RGS11: variants seen among roughly 807,000 people sequenced by gnomAD.
RGS11 encodes regulator of G protein signaling 11.
Under a neutral mutation model 71.1 loss-of-function variants are expected in RGS11, and 86 were observed. The observed-to-expected ratio is 1.21, with a 90% CI of 1.02 to 1.45. The LOEUF is 1.45. RGS11 is among the 40% of genes most tolerant of loss of function. The pLI is 0.00. For synonymous variants in RGS11, 298 were observed against 254.2 expected (o/e 1.17, Z -1.64); for missense variants, 734 against 635.1 (o/e 1.16, Z -1.67).
Position 273,801 on chromosome 16 carries a change from G to A in RGS11, c.465C>T (p.His155=), listed in dbSNP as rs753238577. The change falls in exon 7 of 17, where the codon CAC becomes CAT. Residue 155 remains histidine (H), a synonymous_variant. Coordinates refer to ENST00000397770, the MANE Select transcript of RGS11 (RefSeq NM_183337.3). ...CYDRLHKKIN[H]AWDLVLMQAR... ...CCTGCATCAGCACCAGGTCCCATGC[G>A]TGGTTGATCTTCTTGTGTAGCCGGT... is the stretch of plus-strand genomic sequence containing the variant. The A allele has an allele frequency of 3.1e-5, 50 of 1,613,268 alleles. No homozygotes were observed. In the East Asian group the frequency reaches 4.9e-4, roughly 16 times the overall value.
chr16:271,744 G>A (rs193239476), intron 9 of RGS11, 175 bp from the exon 10 acceptor site: 8 of 640,072 alleles, frequency 1.2e-5, no homozygotes, highest in African/African-American at 3.6e-5. Flanking sequence ...GGGATCTTTC[G>A]AGGAGACCTC....
intron 7 of RGS11, 52 bp from the exon 8 acceptor site, chr16:273,608 C>T (rs557168512): frequency 2.6e-5 from 39 of 1,511,662 alleles, no homozygotes; most frequent in South Asian, 7.2e-5. Context: ...GCAGCCCCTC[C>T]GCCCCCACCC....
chr16:269,800 A>G lies in RGS11; in HGVS notation c.1207-215T>C, dbSNP rs1596883737. ...TGCCTGGGCCATGTCGCAGCAAAAA[A>G]TGGCAAGAGCCCTGGTGGCCACGTG... On this transcript the variant is annotated intron_variant, in intron 15 of 16. Coordinates refer to ENST00000397770, the MANE Select transcript of RGS11 (RefSeq NM_183337.3). 12 of 541,924 alleles carry G rather than the reference A, an allele frequency of 2.2e-5. No homozygotes were observed. In the East Asian group the frequency reaches 3.7e-4, roughly 17 times the overall value. 33.6% of individuals were successfully genotyped at this position (541,924 alleles called of 1,614,324 possible). A position where few individuals can be genotyped will look rare whatever the true frequency, so the allele number is the denominator to read the frequency against.
Position 269,178 on chromosome 16 carries a change from C to T in RGS11, c.*91G>A, listed in dbSNP as rs1018244785. The T allele has an allele frequency of 1.1e-5, 11 of 1,046,176 alleles. No individual in the cohort carries two copies. The Admixed American group carries it at 2.0e-4, about 19-fold the overall frequency. The allele number at this position is 1,046,176 out of a possible 1,614,324, so 64.8% of individuals were successfully genotyped here. A position where few individuals can be genotyped will look rare whatever the true frequency, so the allele number is the denominator to read the frequency against. ...GGGACACTGGTGCTGGGTTCAGCAGCCCCCAGGACCTGGGCCAAGACGGGG... is the reference window on the plus strand; with the variant it reads ...GGGACACTGGTGCTGGGTTCAGCAGTCCCCAGGACCTGGGCCAAGACGGGG... On this transcript the variant is annotated 3_prime_UTR_variant, in exon 17 of 17. Coordinates refer to ENST00000397770, the MANE Select transcript of RGS11 (RefSeq NM_183337.3).
At chr16:274,920 C>G in intron 4 of RGS11, 56 bp downstream of exon 4, 1 of 836,904 alleles carries the variant, frequency 1.2e-6, no homozygotes, top group Non-Finnish European at 1.8e-6. Context: ...AGTTGGTAAG[C>G]TGGGTGGGTG....
intron 15 of RGS11, 30 bp downstream of exon 15, chr16:270,493 C>T (rs1234715438): frequency 1.3e-6 from 2 of 1,580,424 alleles, no homozygotes; most frequent in Admixed American, 1.8e-5. Context: ...GATGACCCCT[C>T]CTGCCCCTGC....
chr16:271,175 C>A (rs776434921), intron 12 of RGS11, 27 bp downstream of exon 12: 99 of 1,608,260 alleles, frequency 6.2e-5, no homozygotes, highest in Non-Finnish European at 8.3e-5. Context: ...AGCACACCCG[C>A]AGTCCCGCTG....
intron 1 of RGS11, 133 bp downstream of exon 1, chr16:275,716 C>T (rs2052150153): frequency 2.4e-6 from 1 of 419,374 alleles, no homozygotes; most frequent in South Asian, 7.7e-5. Context: ...CCTCGCCGCC[C>T]CTCCCGGCCT....
Position 274,281 on chromosome 16 carries a change from G to T in RGS11, c.319-16C>A, listed in dbSNP as rs1218301345. On this transcript the variant is annotated splice_polypyrimidine_tract_variant and intron_variant, in intron 4 of 16. Coordinates refer to ENST00000397770, the MANE Select transcript of RGS11 (RefSeq NM_183337.3). ...AGTACGGGGTCTGGCGTGGTGCAGGGAGAAGGTGTCCAGGACGCCTGCGTC... is the reference window on the plus strand; with the variant it reads ...AGTACGGGGTCTGGCGTGGTGCAGGTAGAAGGTGTCCAGGACGCCTGCGTC... 1 of 1,606,556 alleles carries T rather than the reference G, an allele frequency of 6.2e-7. No homozygotes were observed.
intron 1 of RGS11, 69 bp downstream of exon 1, chr16:275,780 C>G (rs1238579469): frequency 2.1e-6 from 1 of 482,798 alleles, no homozygotes; most frequent in Non-Finnish European, 3.0e-6. Context: ...TGTCCCCATG[C>G]TCTCCGGCCC....
Position 269,338 on chromosome 16 carries a change from A to G in RGS11, c.1335T>C (p.Pro445=), listed in dbSNP as rs778077060. ...GCTCCACAGGGGTGGGAAGGAGTGC[A>G]GGGCTGGGGCTCGAGTGCCGTGGCC... is the stretch of plus-strand genomic sequence containing the variant. ...TWRPRHSSPS[P]ALLPTPVEPT... Residue 445 remains proline, a synonymous_variant, in exon 17 of 17, where the codon CCT becomes CCC. Coordinates refer to ENST00000397770, the MANE Select transcript of RGS11 (RefSeq NM_183337.3). 6 of 1,603,132 alleles carry G rather than the reference A, an allele frequency of 3.7e-6. No homozygotes were observed. The African/African-American group carries it at 5.3e-5, about 14-fold the overall frequency.
Position 271,417 on chromosome 16 carries a change from G to C in RGS11, c.731C>G (p.Ser244Cys), listed in dbSNP as rs1480748922. The C allele has an allele frequency of 2.5e-6, 4 of 1,613,620 alleles. No homozygotes were observed. Among genetic ancestry groups the C allele is most frequent in the Non-Finnish European group, 3.4e-6 (4 of 1,180,022 alleles). Reference sequence around the variant, plus strand: ...CACTCACGCCTCAAGGCAGACGGAGGACTTCACTCGGGTCCTGCCCAGCGC... The same window carrying C: ...CACTCACGCCTCAAGGCAGACGGAGCACTTCACTCGGGTCCTGCCCAGCGC... The part of the protein sequence containing the change: ...RKALGRTRVK[S>C]SVCLEAYLSF... Residue 244 changes from serine to cysteine, a missense_variant, in exon 11 of 17, where the codon TCC (serine) becomes TGC (cysteine). Ser to Cys is a moderately radical substitution (Grantham distance 112). Transcript: ENST00000397770.
rs760521222 is a variant in RGS11 at position 275,044 on chromosome 16, A to T, written c.250T>A (p.Tyr84Asn). 2.7e-6 allele frequency: 4 copies of T among 1,496,822 alleles called. No individual in the cohort carries two copies. Among genetic ancestry groups the T allele is most frequent in the East Asian group, 2.4e-5 (1 of 41,228 alleles). The allele number at this position is 1,496,822 out of a possible 1,614,324, so 92.7% of individuals were successfully genotyped here. The change falls in exon 4 of 17, where the codon TAC (tyrosine) becomes AAC (asparagine). Residue 84 changes from tyrosine (Y) to asparagine (N), a missense_variant. Tyr to Asn is a moderately radical substitution (Grantham distance 143, BLOSUM62 -2). Transcript: ENST00000397770. Reference sequence around the variant, plus strand: ...CGGGGGTCGCGCAGCGGGTAGATGTAGCCATGCTGCACCAGGACGGCGCCC... The same window carrying T: ...CGGGGGTCGCGCAGCGGGTAGATGTTGCCATGCTGCACCAGGACGGCGCCC... ...HLGAVLVQHG[Y>N]IYPLRDPRSL...
intron 1 of RGS11, 54 bp from the exon 2 acceptor site, chr16:275,552 C>G: frequency 7.1e-7 from 1 of 1,410,972 alleles, no homozygotes; most frequent in Non-Finnish European, 9.6e-7. Context: ...CCCTGATTCC[C>G]TGGCACCGGC....
rs1018708269 is a variant in RGS11, at chr16:275,580, G to C, written c.64-82C>G. 4 of 1,229,186 alleles carry C rather than the reference G, an allele frequency of 3.3e-6. No individual in the cohort carries two copies. The Admixed American group carries it at 7.5e-5, about 23-fold the overall frequency. The allele number at this position is 1,229,186 out of a possible 1,614,324, so 76.1% of individuals were successfully genotyped here. A position where few individuals can be genotyped will look rare whatever the true frequency, so the allele number is the denominator to read the frequency against. On this transcript the variant is annotated intron_variant, in intron 1 of 16. Coordinates refer to ENST00000397770, the MANE Select transcript of RGS11 (RefSeq NM_183337.3). ...GCACCGGCCGGGATGCCCCGGATCC[G>C]GGAGCGCGGAGATTAACGCGCGGCG... is the stretch of plus-strand genomic sequence containing the variant.
Position 269,000 on chromosome 16 carries a change from C to A in RGS11, c.*269G>T. 6.8e-7 allele frequency: 1 copy of A among 1,460,012 alleles called. No individual in the cohort carries two copies. Among genetic ancestry groups the A allele is most frequent in the South Asian group, 1.2e-5 (1 of 82,038 alleles). The allele number at this position is 1,460,012 out of a possible 1,614,324, so 90.4% of individuals were successfully genotyped here. ...TCCCTGTGGCCTTGGTCTCACCTCTCTTCAGGTAACAGGCTCTGCCCTGAC... is the reference window on the plus strand; with the variant it reads ...TCCCTGTGGCCTTGGTCTCACCTCTATTCAGGTAACAGGCTCTGCCCTGAC... On this transcript the variant is annotated 3_prime_UTR_variant, in exon 17 of 17. Transcript: ENST00000397770.
At position 275,348 on chromosome 16, in the gene RGS11, C is replaced by G. The variant is rs1555468945; in HGVS notation, c.161-15G>C. On this transcript the variant is annotated splice_polypyrimidine_tract_variant and intron_variant, in intron 2 of 16. Transcript: ENST00000397770. ...GACGTCGCTGCCTGCACGGGAGAGA[C>G]AGAGGTGGAGGGAGGCCGAGGCGCG... is the stretch of plus-strand genomic sequence containing the variant. The G allele has an allele frequency of 3.7e-6, 6 of 1,611,978 alleles. No homozygotes were observed. In the South Asian group the frequency reaches 6.6e-5, roughly 18 times the overall value.
intron 8 of RGS11, 72 bp from the exon 9 acceptor site, chr16:273,003 C>G: frequency 7.5e-7 from 1 of 1,327,902 alleles, no homozygotes; most frequent in East Asian, 2.6e-5. Flanking sequence ...TAAGTTCCCC[C>G]TCCCAGACCC....
rs73486213 is a variant in RGS11, at chr16:271,062, C to T, written c.901G>A (p.Gly301Ser). The change falls in exon 13 of 17, where the codon GGC (glycine) becomes AGC (serine). Residue 301 changes from glycine (G) to serine (S), a missense_variant. Gly to Ser is a moderately conservative substitution (Grantham distance 56). Transcript: ENST00000397770. ...TCCAGGAGCTCCCGGAAGCTGAAGC[C>T]CCATCTCTCCACACGGAGCTTCGTG... ...APTKLRVERW[G>S]FSFRELLEDP... 4.3e-6 allele frequency: 7 copies of T among 1,612,468 alleles called. 1 individual carries two copies. The highest frequency in any genetic ancestry group is 2.2e-5 in the South Asian group (2 of 91,062).
Sources: allele counts gnomAD v4.1 joint callset, GRCh38; gene constraint gnomAD v4.1.1; transcripts MANE v1.5; gene names NCBI Gene and HGNC (gene_info 2026-07-23, HGNC 2026-07-21).